ELP4: variants seen among roughly 807,000 people sequenced by gnomAD.
ELP4 encodes elongator acetyltransferase complex subunit 4.
Under a neutral mutation model 48.9 loss-of-function variants are expected in ELP4, and 51 were observed. The observed-to-expected ratio is 1.04, with a 90% CI of 0.83 to 1.32. The LOEUF (loss-of-function observed/expected upper bound fraction) is 1.32. ELP4 is among the 40% of genes most tolerant of loss of function. The pLI is 0.00. For missense variants in ELP4, 519 were observed against 514.6 expected, an observed-to-expected ratio of 1.01 and a Z score of -0.08; for synonymous variants, 210 against 189.2, an observed-to-expected ratio of 1.11 and a Z score of -0.90.
Position 31,790,233 on chromosome 11 carries a change from T to C in ELP4, c.*6709T>C. 1 of 535,204 alleles carries C rather than the reference T, an allele frequency of 1.9e-6. No homozygotes were observed. The highest frequency in any genetic ancestry group is 3.3e-5 in the East Asian group (1 of 30,582). 33.2% of individuals were successfully genotyped at this position (535,204 alleles called of 1,614,324 possible). A position where few individuals can be genotyped will look rare whatever the true frequency, so the allele number is the denominator to read the frequency against. ...GTATATATACCTATTGGATCCCAAG[T>C]ACCCCCCACCCCAATCCAAAGGAAA... On this transcript the variant is annotated 3_prime_UTR_variant, in exon 10 of 10. Coordinates refer to ENST00000640961, the MANE Select transcript of ELP4 (RefSeq NM_019040.5).
intron 3 of ELP4, among the ~76,000 whole-genome samples, chr11:31,555,800 T>C (rs1179843678): frequency 6.6e-6 from 1 of 151,968 alleles, no homozygotes; most frequent in Non-Finnish European, 1.5e-5. Context: ...AATATTCACA[T>C]AGGATTTCAG....
At chr11:31,729,975 C>T (rs1182443443) in intron 9 of ELP4, among the ~76,000 whole-genome samples, 1 of 152,052 alleles carries the variant, frequency 6.6e-6, no homozygotes, top group African/African-American at 2.4e-5. Flanking sequence ...AATAGGAATC[C>T]CCAGACATTC....
At chr11:31,574,753 A>G (rs1042416112) in intron 3 of ELP4, among the ~76,000 whole-genome samples, 7 of 152,252 alleles carry the variant, frequency 4.6e-5, no homozygotes, top group Admixed American at 1.3e-4. Flanking sequence ...TAACAAACAG[A>G]AAGGACATCC....
chr11:31,747,145 T>G (rs1387616538), intron 9 of ELP4, among the ~76,000 whole-genome samples: 1 of 152,146 alleles, frequency 6.6e-6, no homozygotes, highest in Non-Finnish European at 1.5e-5. Flanking sequence ...CCTTCTCTTT[T>G]TAATGAACTT....
chr11:31,727,056 G>C (rs914726091), intron 9 of ELP4, among the ~76,000 whole-genome samples: 2 of 151,952 alleles, frequency 1.3e-5, no homozygotes, highest in East Asian at 3.8e-4. Context: ...TAATTTTATA[G>C]TCATCTCTGG....
intron 4 of ELP4, among the ~76,000 whole-genome samples, chr11:31,598,273 T>C (rs1957712859): frequency 6.6e-6 from 1 of 151,984 alleles, no homozygotes; most frequent in South Asian, 2.1e-4. Context: ...TTTTATTGCT[T>C]ATTATGAAAG....
intron 9 of ELP4, among the ~76,000 whole-genome samples, chr11:31,720,855 G>C (rs1200112559): frequency 6.6e-6 from 1 of 152,170 alleles, no homozygotes; most frequent in Non-Finnish European, 1.5e-5. Flanking sequence ...TAAGTGCCAA[G>C]TACCAGATGG....
intron 9 of ELP4, among the ~76,000 whole-genome samples, chr11:31,667,054 CA>C (rs1357380401): frequency 6.6e-6 from 1 of 152,150 alleles, no homozygotes; most frequent in Non-Finnish European, 1.5e-5. Context: ...GTTATTTAAA[CA>C]AAGGCTTTTG....
At chr11:31,598,222 G>C (rs1195172639) in intron 4 of ELP4, among the ~76,000 whole-genome samples, 1 of 151,924 alleles carries the variant, frequency 6.6e-6, no homozygotes, top group Admixed American at 6.6e-5. Flanking sequence ...CGAAAGTGTT[G>C]GGATTACAGG....
chr11:31,702,622 G>A (rs1013275457), intron 9 of ELP4, among the ~76,000 whole-genome samples: 1 of 151,972 alleles, frequency 6.6e-6, no homozygotes. Context: ...ATCTGTAGGT[G>A]TTTCTCCCTT....
At chr11:31,674,698 C>T (rs1355860704) in intron 9 of ELP4, among the ~76,000 whole-genome samples, 1 of 152,188 alleles carries the variant, frequency 6.6e-6, no homozygotes, top group African/African-American at 2.4e-5. Context: ...ATAAAAGCCT[C>T]TTCCCTACAA....
intron 9 of ELP4, among the ~76,000 whole-genome samples, chr11:31,749,932 T>C (rs1434160630): frequency 6.6e-6 from 1 of 151,590 alleles, no homozygotes; most frequent in Non-Finnish European, 1.5e-5. Flanking sequence ...CTCGGCTCAC[T>C]GCAAGCTCCG....
chr11:31,745,970 G>C (rs1009052214), intron 9 of ELP4, among the ~76,000 whole-genome samples: 6 of 152,144 alleles, frequency 3.9e-5, no homozygotes, highest in African/African-American at 1.2e-4. Flanking sequence ...CAGAATGGGA[G>C]AAAATTTTTG....
chr11:31,724,093 C>T (rs965074342), intron 9 of ELP4, among the ~76,000 whole-genome samples: 5 of 152,082 alleles, frequency 3.3e-5, no homozygotes, highest in African/African-American at 7.2e-5. Flanking sequence ...TTGCCCAGCC[C>T]GAGGTTATGT....
At chr11:31,665,814 C>G (rs1945661147) in intron 9 of ELP4, among the ~76,000 whole-genome samples, 1 of 150,692 alleles carries the variant, frequency 6.6e-6, no homozygotes, top group South Asian at 2.1e-4. Context: ...GCCACCATGC[C>G]CAGCTAATTT....
At chr11:31,763,371 A>G in intron 9 of ELP4, 3 of 1,544,046 alleles carry the variant, frequency 1.9e-6, no homozygotes, top group South Asian at 2.5e-5. Flanking sequence ...CTTCAAAATT[A>G]CTGTTGACTA....
At chr11:31,777,590 A>ACACAC (rs1294389658) in intron 9 of ELP4, among the ~76,000 whole-genome samples, 1 of 152,188 alleles carries the variant, frequency 6.6e-6, no homozygotes, top group Non-Finnish European at 1.5e-5. Flanking sequence ...AAACATTTTT[A>ACACAC]CACACTTTTA....
intron 3 of ELP4, chr11:31,580,883 A>G (rs1001163433): frequency 1.3e-5 from 2 of 152,068 alleles, no homozygotes; most frequent in African/African-American, 2.4e-5. Flanking sequence ...AGGCTGGTCT[A>G]TCACTTTCTT....
In ELP4 at chr11:31,788,073, TCAGA is replaced by T. The variant is rs1948793956; in HGVS notation, c.*4553_*4556del. The T allele has an allele frequency of 9.0e-6, 2 of 223,232 alleles. No homozygotes were observed. Among genetic ancestry groups the T allele is most frequent in the South Asian group, 1.8e-4 (1 of 5,468 alleles). 13.8% of individuals were successfully genotyped at this position (223,232 alleles called of 1,614,324 possible). Reference sequence around the variant, plus strand: ...ATGTTGCACAGAACAAATGAAAGTCTCAGACAGTCCTTTTTTACCCAACAAAGGC... The same window carrying T: ...ATGTTGCACAGAACAAATGAAAGTCTCAGTCCTTTTTTACCCAACAAAGGC... On this transcript the variant is annotated 3_prime_UTR_variant, in exon 10 of 10. Transcript: ENST00000640961.
Sources: gnomAD v4.1 joint callset for allele counts (sites outside exome capture counted in the v4.1 genomes callset) on GRCh38, gnomAD v4.1.1 for gene constraint, MANE v1.5 for transcripts, NCBI Gene and HGNC (gene_info 2026-07-23, HGNC 2026-07-21) for gene names.